The following SHANK2 variants were observed in gnomAD, a reference collection of about 807,000 sequenced individuals.
The protein encoded by SHANK2 is SH3 and multiple ankyrin repeat domains protein 2.
A neutral mutation model predicts 133.7 loss-of-function variants in SHANK2; 43 were observed. The observed-to-expected ratio is 0.32, with a 90% confidence interval of 0.25 to 0.41. The LOEUF (loss-of-function observed/expected upper bound fraction) is 0.41, where lower values mean the gene tolerates loss of function less well. SHANK2 is among the 10% of genes least tolerant of loss of function. The pLI is 1.00. For missense variants in SHANK2, 1,994 were observed against 2,235.8 expected, an observed-to-expected ratio of 0.89 and a Z score of 2.18; for synonymous variants, 1,017 against 952.8, an observed-to-expected ratio of 1.07 and a Z score of -1.24.
intron 9 of SHANK2, among the ~76,000 whole-genome samples, chr11:71,068,857 AC>A (rs1951103536): frequency 6.6e-6 from 1 of 151,806 alleles, no homozygotes; most frequent in Non-Finnish European, 1.5e-5. Context: ...CACCATGACC[AC>A]TGTCATCACC....
At chr11:70,903,188 C>T (rs921331864) in intron 10 of SHANK2, among the ~76,000 whole-genome samples, 14 of 151,926 alleles carry the variant, frequency 9.2e-5, no homozygotes, top group Non-Finnish European at 4.4e-5. Context: ...ACTAGCCTTC[C>T]CAACACGGTG....
At chr11:71,080,038 C>T (rs1951277145) in intron 8 of SHANK2, among the ~76,000 whole-genome samples, 1 of 152,082 alleles carries the variant, frequency 6.6e-6, no homozygotes, top group Non-Finnish European at 1.5e-5. Flanking sequence ...AATTCATCCT[C>T]CCACAAGAGA....
Position 70,944,363 on chromosome 11 carries a change from C to G in SHANK2, c.1108-47796G>C, listed in dbSNP as rs1316094747. Among the ~76,000 whole-genome samples the G allele has an allele frequency of 3.3e-5, 5 of 152,222 alleles. No individual in the cohort carries two copies. In the East Asian group the frequency reaches 9.6e-4, roughly 29 times the overall value. On this transcript the variant is annotated intron_variant, in intron 10 of 25. Transcript: ENST00000601538. ...CCTCTGCCCGGTGCCAGGGCCCTCC[C>G]CGGAGTCCAGGTCTTCCTGTCCCCT...
At chr11:70,681,778 T>C (rs1323024454) in intron 15 of SHANK2, among the ~76,000 whole-genome samples, 1 of 152,218 alleles carries the variant, frequency 6.6e-6, no homozygotes, top group Non-Finnish European at 1.5e-5. Context: ...GGCAAGGGTA[T>C]CCAGGCTCCA....
chr11:70,607,567 G>A (rs1326136462), intron 17 of SHANK2, among the ~76,000 whole-genome samples: 2 of 152,188 alleles, frequency 1.3e-5, no homozygotes, highest in African/African-American at 4.8e-5. Context: ...CTGGGCCCAC[G>A]GGTCCAGGGA....
rs1005754139 is a variant in SHANK2 at position 70,807,373 on chromosome 11, G to A, written c.1494-202C>T. 1.5e-4 allele frequency among the ~76,000 whole-genome samples: 23 copies of A among 152,326 alleles called. No homozygotes were observed. The highest frequency in any genetic ancestry group is 2.6e-4 in the Admixed American group (4 of 15,302). On this transcript the variant is annotated intron_variant, in intron 12 of 25. Transcript: ENST00000601538. The surrounding 1 kb of genome is among the most constrained non-coding windows in gnomAD (Gnocchi z 4.8). ...TCAGGCAGATCCAACAATCCCACTC[G>A]CAGGTCTGCCCCGCACAGACAGAAA...
Position 70,879,656 on chromosome 11 carries a change from AAT to A in SHANK2, c.1174+16843_1174+16844del, listed in dbSNP as rs1203937257. Among the ~76,000 whole-genome samples, 4 of 152,378 alleles carry A rather than the reference AAT, an allele frequency of 2.6e-5. No individual in the cohort carries two copies. In the East Asian group the frequency reaches 7.7e-4, roughly 29 times the overall value. On this transcript the variant is annotated intron_variant, in intron 11 of 25. Coordinates refer to ENST00000601538, the MANE Select transcript of SHANK2 (RefSeq NM_012309.5). ...ATCTCTGTGACTATTTCCTGACTCC[AAT>A]GCCAGTGGCTAGAAATTCAGGGGTT...
intron 17 of SHANK2, among the ~76,000 whole-genome samples, chr11:70,617,870 G>C (rs1317544105): frequency 6.6e-6 from 1 of 152,114 alleles, no homozygotes; most frequent in African/African-American, 2.4e-5. Context: ...GATAGCATTG[G>C]GAGATATACC....
At chr11:70,780,194 T>C (rs1555044837) in intron 14 of SHANK2, among the ~76,000 whole-genome samples, 1 of 152,224 alleles carries the variant, frequency 6.6e-6, no homozygotes, top group Non-Finnish European at 1.5e-5. Flanking sequence ...TGTACACTAA[T>C]AAATTCCTTT....
At position 70,809,592 on chromosome 11, in the gene SHANK2, A is replaced by G. The variant is rs1027128538; in HGVS notation, c.1494-2421T>C. On this transcript the variant is annotated intron_variant, in intron 12 of 25. Coordinates refer to ENST00000601538, the MANE Select transcript of SHANK2 (RefSeq NM_012309.5). ...CTTCTCTCAGCATTAGGATGGTGAG[A>G]TCTGGCCATGGGGACCTTACCCATG... 2.8e-4 allele frequency among the ~76,000 whole-genome samples: 42 copies of G among 152,164 alleles called. 2 individuals are homozygous for G. The highest frequency in any genetic ancestry group is 2.5e-3 in the Admixed American group (38 of 15,274).
chr11:71,104,727 C>G (rs1411450102), intron 6 of SHANK2, among the ~76,000 whole-genome samples: 1 of 152,288 alleles, frequency 6.6e-6, no homozygotes, highest in East Asian at 1.9e-4. Context: ...CCCTGGGTCC[C>G]CACTTCCCTG....
chr11:71,157,786 G>C (rs1301392946), intron 2 of SHANK2, among the ~76,000 whole-genome samples: 1 of 152,198 alleles, frequency 6.6e-6, no homozygotes, highest in Non-Finnish European at 1.5e-5. Flanking sequence ...CCATCTCACA[G>C]TTCTGCCGAA....
intron 2 of SHANK2, among the ~76,000 whole-genome samples, chr11:71,195,646 A>G (rs1303542040): frequency 6.6e-6 from 1 of 152,238 alleles, no homozygotes; most frequent in Non-Finnish European, 1.5e-5. Flanking sequence ...ATCACACTGT[A>G]ATCAGAGGCC....
intron 17 of SHANK2, among the ~76,000 whole-genome samples, chr11:70,573,095 C>A (rs1565142124): frequency 6.6e-6 from 1 of 152,114 alleles, no homozygotes; most frequent in Non-Finnish European, 1.5e-5. Context: ...ACACACACGC[C>A]TCAGAATAAT....
chr11:71,228,980 T>C (rs1305747453), intron 1 of SHANK2, among the ~76,000 whole-genome samples: 3 of 152,144 alleles, frequency 2.0e-5, no homozygotes, highest in Non-Finnish European at 4.4e-5. Context: ...TCTACTATTA[T>C]CAACAGAAAA....
intron 2 of SHANK2, among the ~76,000 whole-genome samples, chr11:71,214,003 C>T (rs2135700976): frequency 6.6e-6 from 1 of 152,284 alleles, no homozygotes; most frequent in South Asian, 2.1e-4. Context: ...CACCCCTGCC[C>T]TAACGCGCCC....
chr11:71,083,160 T>C (rs1156503818), intron 8 of SHANK2, among the ~76,000 whole-genome samples: 1 of 152,190 alleles, frequency 6.6e-6, no homozygotes, highest in African/African-American at 2.4e-5. Flanking sequence ...GGGCTGGTTT[T>C]GAACTTCTAG....
chr11:70,608,060 C>T (rs1264874350), intron 17 of SHANK2, among the ~76,000 whole-genome samples: 9 of 152,220 alleles, frequency 5.9e-5, no homozygotes, highest in Non-Finnish European at 1.0e-4. Context: ...CCGCCATGTC[C>T]GATTCCTGCT....
At chr11:71,210,210 G>GTATATATATATATATATATATA (rs71049962) in intron 2 of SHANK2, among the ~76,000 whole-genome samples, 34 of 54,042 alleles carry the variant, frequency 6.3e-4, no homozygotes, top group Middle Eastern at 9.6e-3. Flanking sequence ...AAATCCACAG[G>GTATATATATATATATATATATA]TATATATATA....
Sources: allele counts gnomAD v4.1 joint callset (sites outside exome capture counted in the v4.1 genomes callset), GRCh38; gene constraint gnomAD v4.1.1; non-coding constraint Gnocchi (gnomAD v3.1); transcripts MANE v1.5; gene names NCBI Gene and HGNC (gene_info 2026-07-23, HGNC 2026-07-21).